Variants in CFAP97 observed in about 807,000 individuals in gnomAD.
The protein encoded by CFAP97 is cilia- and flagella-associated protein 97.
A neutral mutation model predicts 43.1 loss-of-function variants in CFAP97; 36 were observed. The ratio of observed to expected loss-of-function variants is 0.84; its 90% CI spans 0.64 to 1.10. CFAP97 has a LOEUF of 1.10. Ranked by LOEUF, CFAP97 falls within the 50% of genes least tolerant of loss-of-function variation. The pLI, the probability that CFAP97 is intolerant of heterozygous loss-of-function variation, is 0.00. For synonymous variants in CFAP97, 228 were observed against 225.7 expected, an observed-to-expected ratio of 1.01 and a Z score of -0.09; for missense variants, 657 against 620.3, an observed-to-expected ratio of 1.06 and a Z score of -0.63.
upstream of CFAP97, chr4:185,209,591 A>G (rs1042616600): frequency 3.1e-6 from 1 of 323,724 alleles, no homozygotes; most frequent in Non-Finnish European, 4.4e-6. This position sits in a 1 kb window ranked among gnomAD's most constrained non-coding sequence, Gnocchi z 5.2. Flanking sequence ...CAGGCTGGCC[A>G]GGCTTCAGTC....
At chr4:185,202,547 C>CAAAAAAAAA (rs1392326315) in intron 1 of CFAP97, among the ~76,000 whole-genome samples, 2 of 145,930 alleles carry the variant, frequency 1.4e-5, no homozygotes. Flanking sequence ...GATCCTATCT[C>CAAAAAAAAA]AAAAAACAAA....
chr4:185,203,662 G>A (rs1260742240), intron 1 of CFAP97: 1 of 152,174 alleles, frequency 6.6e-6, no homozygotes, highest in African/African-American at 2.4e-5. Context: ...GAACGCGCGA[G>A]AGGGCGGGAC....
chr4:185,195,619 A>C (rs944712373), intron 1 of CFAP97, among the ~76,000 whole-genome samples: 1 of 152,230 alleles, frequency 6.6e-6, no homozygotes, highest in Non-Finnish European at 1.5e-5. Flanking sequence ...TACACATTAA[A>C]CATGAGTATA....
intron 1 of CFAP97, among the ~76,000 whole-genome samples, chr4:185,198,453 A>AAGAAGG (rs1553975362): frequency 4.8e-5 from 7 of 147,364 alleles, no homozygotes; most frequent in Admixed American, 6.8e-5. Flanking sequence ...AAAAAAAAAA[A>AAGAAGG]AAAGAAAGAA....
At chr4:185,181,259 C>CA (rs1386137604) in intron 2 of CFAP97, among the ~76,000 whole-genome samples, 2 of 86,746 alleles carry the variant, frequency 2.3e-5, no homozygotes, top group South Asian at 3.8e-4. Context: ...GACTCCGTCT[C>CA]AAAAAAAATA....
chr4:185,198,435 T>C (rs1171569677), intron 1 of CFAP97, among the ~76,000 whole-genome samples: 1 of 121,784 alleles, frequency 8.2e-6, no homozygotes, highest in Non-Finnish European at 1.7e-5. Context: ...AGAGTGAGAC[T>C]CTGTCTTAAA....
intron 1 of CFAP97, among the ~76,000 whole-genome samples, chr4:185,192,750 T>TTG (rs1243009886): frequency 1.4e-4 from 15 of 105,018 alleles, no homozygotes; most frequent in Non-Finnish European, 2.8e-4. Context: ...TTTTTTTTTT[T>TTG]TTTTTTTTGA....
At chr4:185,169,784 G>A (rs1735222561) in intron 3 of CFAP97, 13 of 985,476 alleles carry the variant, frequency 1.3e-5, no homozygotes, top group Non-Finnish European at 1.3e-5. Context: ...CACACAGGCA[G>A]AATCAAGACG....
At chr4:185,208,840 T>G (rs1309404863), upstream of CFAP97, among the ~76,000 whole-genome samples, 2 of 152,252 alleles carry the variant, frequency 1.3e-5, no homozygotes, top group African/African-American at 4.8e-5. Context: ...TGCCAGTGTT[T>G]AAGTAGCATA....
intron 4 of CFAP97, among the ~76,000 whole-genome samples, chr4:185,163,410 A>T (rs569041510): frequency 1.3e-5 from 2 of 152,126 alleles, no homozygotes; most frequent in East Asian, 3.9e-4. Context: ...CCTTCTATTT[A>T]TTATATGGTT....
At chr4:185,208,704 G>A (rs553464896), upstream of CFAP97, among the ~76,000 whole-genome samples, 314 of 151,626 alleles carry the variant, frequency 2.1e-3, no homozygotes, top group Admixed American at 3.7e-3. Context: ...CTCCAGCCTG[G>A]GCAACAGAGA....
chr4:185,173,147 T>G (rs934526635), intron 3 of CFAP97, among the ~76,000 whole-genome samples: 1 of 151,922 alleles, frequency 6.6e-6, no homozygotes, highest in East Asian at 1.9e-4. Flanking sequence ...GAGGATCATG[T>G]GGTCAGGAGA....
chr4:185,164,094 C>T lies in CFAP97; in HGVS notation c.1406G>A (p.Gly469Asp). 1 of 1,613,836 alleles carries T rather than the reference C, an allele frequency of 6.2e-7. No individual in the cohort carries two copies. The highest frequency in any genetic ancestry group is 8.5e-7 in the Non-Finnish European group (1 of 1,179,790). ...EQLMDYHRNM[G>D]YLNSSPLSRR... ...TGACAATGGTGATGAGTTGAGATAG[C>T]CCATATTGCGATGATAGTCCATCAG... The change falls in exon 4 of 5, where the codon GGC becomes GAC. Residue 469 changes from glycine to aspartate, a missense_variant. Coordinates refer to ENST00000458385, the MANE Select transcript of CFAP97 (RefSeq NM_020827.3).
chr4:185,169,688 C>A, intron 3 of CFAP97: 6 of 985,404 alleles, frequency 6.1e-6, no homozygotes, highest in Non-Finnish European at 7.2e-6. Flanking sequence ...ATTTCTGCAG[C>A]CGTTAGCAGA....
chr4:185,189,623 A>G (rs1369447427), intron 2 of CFAP97, among the ~76,000 whole-genome samples: 2 of 152,248 alleles, frequency 1.3e-5, no homozygotes, highest in Non-Finnish European at 2.9e-5. Flanking sequence ...AAGCAACTTA[A>G]TGTTTTTCAT....
intron 2 of CFAP97, among the ~76,000 whole-genome samples, chr4:185,185,678 C>T (rs1274434439): frequency 6.9e-6 from 1 of 144,874 alleles, no homozygotes; most frequent in Admixed American, 7.1e-5. Flanking sequence ...ACTCTGTCTC[C>T]TAGGTTGGAA....
chr4:185,202,571 T>G (rs1191197197), intron 1 of CFAP97, among the ~76,000 whole-genome samples: 2 of 137,734 alleles, frequency 1.5e-5, no homozygotes, highest in Non-Finnish European at 3.3e-5. Flanking sequence ...ACAAAAAAAA[T>G]CACCGGGTTT....
At chr4:185,199,602 G>A (rs575083212) in intron 1 of CFAP97, among the ~76,000 whole-genome samples, 2 of 151,950 alleles carry the variant, frequency 1.3e-5, no homozygotes, top group Middle Eastern at 6.8e-3. Context: ...CCCAGGAGGT[G>A]GAGGTTGCAG....
At chr4:185,191,980 G>C (rs1736278754) in intron 1 of CFAP97, among the ~76,000 whole-genome samples, 1 of 152,158 alleles carries the variant, frequency 6.6e-6, no homozygotes, top group Non-Finnish European at 1.5e-5. Flanking sequence ...AGGAAAACAA[G>C]AAACATCTCA....
Sources: allele counts gnomAD v4.1 joint callset (sites outside exome capture counted in the v4.1 genomes callset), GRCh38; gene constraint gnomAD v4.1.1; non-coding constraint Gnocchi (gnomAD v3.1); transcripts MANE v1.5; gene names NCBI Gene and HGNC (gene_info 2026-07-23, HGNC 2026-07-21).